MDM2: variants seen among roughly 807,000 people sequenced by gnomAD.
MDM2 encodes the protein MDM2 proto-oncogene.
MDM2 carries 11 observed loss-of-function variants against 64.3 expected under a neutral mutation model. That is an observed-to-expected ratio of 0.17 (90% CI 0.11 to 0.28). MDM2 has a LOEUF of 0.28. MDM2 is among the 10% of genes least tolerant of loss of function. MDM2 has a pLI of 1.00. For missense variants in MDM2, 388 were observed against 577.1 expected (o/e 0.67, Z 3.36); for synonymous variants, 194 against 192.9 (o/e 1.01, Z -0.05).
intron 5 of MDM2, among the ~76,000 whole-genome samples, chr12:68,823,626 C>T (rs1882056312): frequency 6.6e-6 from 1 of 152,086 alleles, no homozygotes; most frequent in Admixed American, 6.6e-5. Context: ...ACTGGTTTTC[C>T]TGCCTCTGCC....
intron 7 of MDM2, among the ~76,000 whole-genome samples, chr12:68,825,887 C>T (rs538270585): frequency 2.0e-5 from 3 of 152,210 alleles, no homozygotes; most frequent in African/African-American, 7.2e-5. Flanking sequence ...GGAACTAGAA[C>T]AAATGGTAGT....
chr12:68,841,037 G>A lies in MDM2; in HGVS notation c.*1188G>A, dbSNP rs1010371277. ...TTTTTTGTATTTTTAGTAAAGACAG[G>A]GTTTCACCATGTTAGCCAGGCTGAT... On this transcript the variant is annotated 3_prime_UTR_variant, in exon 11 of 11. Transcript: ENST00000258149. The A allele has an allele frequency of 1.7e-5, 3 of 179,194 alleles. No homozygotes were observed. Among genetic ancestry groups the A allele is most frequent in the African/African-American group, 7.1e-5 (3 of 42,024 alleles). The allele number at this position is 179,194 out of a possible 1,614,324, so 11.1% of individuals were successfully genotyped here. A position where few individuals can be genotyped will look rare whatever the true frequency, so the allele number is the denominator to read the frequency against.
At chr12:68,837,009 A>G (rs1472542735) in intron 10 of MDM2, among the ~76,000 whole-genome samples, 2 of 149,060 alleles carry the variant, frequency 1.3e-5, no homozygotes, top group Non-Finnish European at 3.0e-5. Flanking sequence ...GCTGGAGTGC[A>G]GTGGTGCAAT....
intron 5 of MDM2, among the ~76,000 whole-genome samples, chr12:68,822,213 A>G (rs533471097): frequency 6.6e-6 from 1 of 152,326 alleles, no homozygotes; most frequent in South Asian, 2.1e-4. Context: ...TGCATCACAC[A>G]CTATAGTGTT....
chr12:68,820,797 T>C (rs1242002822), intron 5 of MDM2, among the ~76,000 whole-genome samples: 1 of 152,232 alleles, frequency 6.6e-6, no homozygotes, highest in African/African-American at 2.4e-5. Flanking sequence ...AGTGGAATTT[T>C]ATGTTCCTAC....
rs1481926767 is a variant in MDM2, at chr12:68,808,616, CGGGGCGCGGGGCAT to C, written c.14+131_14+144del. The C allele has an allele frequency of 7.8e-6, 10 of 1,284,518 alleles. No homozygotes were observed. In the African/African-American group the frequency reaches 9.2e-5, roughly 12 times the overall value. The allele number at this position is 1,284,518 out of a possible 1,614,324, so 79.6% of individuals were successfully genotyped here. A position where few individuals can be genotyped will look rare whatever the true frequency, so the allele number is the denominator to read the frequency against. On this transcript the variant is annotated intron_variant, in intron 1 of 10. Coordinates refer to ENST00000258149, the MANE Select transcript of MDM2 (RefSeq NM_002392.6). ...GGTTCGTGGCTGGGGGCTCGGGGCG[CGGGGCGCGGGGCAT>C]GGGGCACGTGGCTTTGCGGAGGTTT...
chr12:68,820,510 A>C (rs548043833), intron 5 of MDM2, 136 bp downstream of exon 5: 107 of 687,058 alleles, frequency 1.6e-4, no homozygotes, highest in Middle Eastern at 4.1e-4. Flanking sequence ...AAGTATGATA[A>C]ATTTATTAGA....
Position 68,824,362 on chromosome 12 carries a change from G to T in MDM2, c.359-1G>T. The T allele has an allele frequency of 6.2e-7, 1 of 1,611,906 alleles. No homozygotes were observed. Among genetic ancestry groups the T allele is most frequent in the Non-Finnish European group, 8.5e-7 (1 of 1,178,812 alleles). On this transcript the variant is annotated splice_acceptor_variant, in intron 5 of 10. Coordinates refer to ENST00000258149, the MANE Select transcript of MDM2 (RefSeq NM_002392.6). LOFTEE classifies it high-confidence loss of function. ...TTCTGATCCTTTTTCTTTTCTCTCA[G>T]AATCATCGGACTCAGGTACATCTGT... is the stretch of plus-strand genomic sequence containing the variant.
chr12:68,835,827 A>G lies in MDM2; in HGVS notation c.685-2A>G. The G allele has an allele frequency of 6.2e-7, 1 of 1,610,066 alleles. No homozygotes were observed. The highest frequency in any genetic ancestry group is 8.5e-7 in the Non-Finnish European group (1 of 1,178,334). ...AAGTTATATATTTTTTTCTTGTTTT[A>G]GGATCTTGATGCTGGTGTAAGTGAA... On this transcript the variant is annotated splice_acceptor_variant, in intron 8 of 10. Coordinates refer to ENST00000258149, the MANE Select transcript of MDM2 (RefSeq NM_002392.6). LOFTEE classifies it high-confidence loss of function.
Position 68,842,114 on chromosome 12 carries a change from A to ATTTGAATTT in MDM2, c.*2266_*2274dup. 2.3e-6 allele frequency: 1 copy of ATTTGAATTT among 429,000 alleles called. No homozygotes were observed. Among genetic ancestry groups the ATTTGAATTT allele is most frequent in the South Asian group, 2.0e-5 (1 of 49,054 alleles). 26.6% of individuals were successfully genotyped at this position (429,000 alleles called of 1,614,324 possible). A position where few individuals can be genotyped will look rare whatever the true frequency, so the allele number is the denominator to read the frequency against. On this transcript the variant is annotated 3_prime_UTR_variant, in exon 11 of 11. Coordinates refer to ENST00000258149, the MANE Select transcript of MDM2 (RefSeq NM_002392.6). ...ACTGCTAATAATGAGCTTACAGTGG[A>ATTTGAATTT]TTTGAATTTGAAAAATATAGTAACA...
intron 4 of MDM2, among the ~76,000 whole-genome samples, chr12:68,818,886 A>G (rs1881619104): frequency 6.6e-6 from 1 of 151,740 alleles, no homozygotes; most frequent in Non-Finnish European, 1.5e-5. Flanking sequence ...GCACACTACT[A>G]TGAGCAGCTA....
chr12:68,839,636 C>T lies in MDM2; in HGVS notation c.1281C>T (p.Asp427=). The T allele has an allele frequency of 6.2e-7, 1 of 1,613,198 alleles. No individual in the cohort carries two copies. Among genetic ancestry groups the T allele is most frequent in the South Asian group, 1.1e-5 (1 of 91,036 alleles). The change falls in exon 11 of 11, where the codon GAC becomes GAT. Residue 427 remains aspartate, a synonymous_variant. Transcript: ENST00000258149. ...AGTTTGAAAGGGAAGAAACCCAAGACAAAGAAGAGAGTGTGGAATCTAGTT... is the reference window on the plus strand; with the variant it reads ...AGTTTGAAAGGGAAGAAACCCAAGATAAAGAAGAGAGTGTGGAATCTAGTT... ...VKEFEREETQ[D]KEESVESSLP...
intron 2 of MDM2, among the ~76,000 whole-genome samples, chr12:68,811,601 ATT>A (rs34328350): frequency 4.4e-5 from 5 of 114,358 alleles, no homozygotes; most frequent in Non-Finnish European, 3.5e-5. Context: ...TCCATTACAG[ATT>A]TTTTTTTTTT....
At chr12:68,820,068 A>G (rs1881717680) in intron 4 of MDM2, among the ~76,000 whole-genome samples, 2 of 152,188 alleles carry the variant, frequency 1.3e-5, no homozygotes, top group East Asian at 1.9e-4. Flanking sequence ...AACAAAGCAC[A>G]TTTCAGGAAT....
rs540805322 is a variant in MDM2 at position 68,810,484 on chromosome 12, C to CGGA, written c.99+1194_99+1196dup. ...ATTATTATTATTATTTTTTTTGAGGCGGAGTCTTGCTCTGTCTCCCAGGCT... is the reference window on the plus strand; with the variant it reads ...ATTATTATTATTATTTTTTTTGAGGCGGAGGAGTCTTGCTCTGTCTCCCAGGCT... On this transcript the variant is annotated intron_variant, in intron 2 of 10. Transcript: ENST00000258149. Among the ~76,000 whole-genome samples, 21 of 151,384 alleles carry CGGA rather than the reference C, an allele frequency of 1.4e-4. No individual in the cohort carries two copies. In the South Asian group the frequency reaches 4.0e-3, roughly 29 times the overall value.
chr12:68,831,234 G>T (rs1264781245), intron 8 of MDM2, among the ~76,000 whole-genome samples: 2 of 152,182 alleles, frequency 1.3e-5, no homozygotes, highest in Non-Finnish European at 2.9e-5. Flanking sequence ...GAAGGCAGAA[G>T]GAAGAAGCTC....
chr12:68,820,068 A>C (rs1881717680), intron 4 of MDM2, among the ~76,000 whole-genome samples: 2 of 152,188 alleles, frequency 1.3e-5, no homozygotes, highest in African/African-American at 2.4e-5. Context: ...AACAAAGCAC[A>C]TTTCAGGAAT....
At chr12:68,817,260 G>A (rs186268297) in intron 4 of MDM2, among the ~76,000 whole-genome samples, 1 of 152,262 alleles carries the variant, frequency 6.6e-6, no homozygotes, top group East Asian at 1.9e-4. Context: ...GAAGAGAGAC[G>A]TTGTATAAAA....
intron 8 of MDM2, among the ~76,000 whole-genome samples, chr12:68,832,374 T>C (rs1282922821): frequency 1.3e-5 from 2 of 152,194 alleles, no homozygotes; most frequent in Non-Finnish European, 2.9e-5. Flanking sequence ...CATTTTTAGC[T>C]AAGACTGGGG....
Sources: allele counts gnomAD v4.1 joint callset (sites outside exome capture counted in the v4.1 genomes callset), GRCh38; gene constraint gnomAD v4.1.1; transcripts MANE v1.5; gene names NCBI Gene and HGNC (gene_info 2026-07-23, HGNC 2026-07-21).